Variants in ACTN1 observed in about 807,000 individuals in gnomAD.
The protein encoded by ACTN1 is actinin alpha 1.
Under a neutral mutation model 119.6 loss-of-function variants are expected in ACTN1, and 30 were observed. The ratio of observed to expected loss-of-function variants is 0.25; its 90% confidence interval spans 0.19 to 0.34. The LOEUF is 0.34. Ranked by LOEUF, ACTN1 falls within the 10% of genes least tolerant of loss-of-function variation. ACTN1 has a pLI of 1.00. For missense variants in ACTN1, 764 were observed against 1,223.4 expected (o/e 0.62, Z 5.60); for synonymous variants, 429 against 472.6 (o/e 0.91, Z 1.20).
chr14:68,925,478 C>A lies in ACTN1; in HGVS notation c.220+80G>T. 1.8e-6 allele frequency: 2 copies of A among 1,141,884 alleles called. No individual in the cohort carries two copies. The highest frequency in any genetic ancestry group is 2.5e-5 in the Admixed American group (1 of 40,272). The allele number at this position is 1,141,884 out of a possible 1,614,324, so 70.7% of individuals were successfully genotyped here. A position where few individuals can be genotyped will look rare whatever the true frequency, so the allele number is the denominator to read the frequency against. On this transcript the variant is annotated intron_variant, in intron 2 of 21. Coordinates refer to ENST00000394419, the MANE Select transcript of ACTN1 (RefSeq NM_001130004.2). The surrounding 1 kb of genome is among the most constrained non-coding windows in gnomAD (Gnocchi z 4.3). ...TGTTTCAAGAGACCAAAACCAGCTGCGCTCATAGGCAGAGCAGATGCCAAG... is the reference window on the plus strand; with the variant it reads ...TGTTTCAAGAGACCAAAACCAGCTGAGCTCATAGGCAGAGCAGATGCCAAG...
At chr14:68,973,155 C>T (rs1243888828) in intron 1 of ACTN1, among the ~76,000 whole-genome samples, 1 of 152,102 alleles carries the variant, frequency 6.6e-6, no homozygotes, top group African/African-American at 2.4e-5. Flanking sequence ...CCTGGGCAAC[C>T]CTCTCCATGC....
intron 1 of ACTN1, among the ~76,000 whole-genome samples, chr14:68,931,958 A>G (rs1365898812): frequency 6.6e-6 from 1 of 152,050 alleles, no homozygotes; most frequent in Non-Finnish European, 1.5e-5. Flanking sequence ...CTCTGACTCT[A>G]TAAGAGCCTG....
Position 68,895,684 on chromosome 14 carries a change from G to A in ACTN1, c.763-1937C>T, listed in dbSNP as rs558758298. ...ACTGGCACGAAGCAACTGCGGCTGT[G>A]ATTTTCATGGATAAAGCCACCTTCA... is the stretch of plus-strand genomic sequence containing the variant. On this transcript the variant is annotated intron_variant, in intron 8 of 21. Coordinates refer to ENST00000394419, the MANE Select transcript of ACTN1 (RefSeq NM_001130004.2). 5.9e-5 allele frequency among the ~76,000 whole-genome samples: 9 copies of A among 152,328 alleles called. No homozygotes were observed. The East Asian group carries it at 1.7e-3, about 29-fold the overall frequency.
intron 21 of ACTN1, 93 bp downstream of exon 21, chr14:68,876,989 T>C (rs2030971842): frequency 6.8e-7 from 1 of 1,462,242 alleles, no homozygotes; most frequent in Non-Finnish European, 9.3e-7. Flanking sequence ...GAAGGGGCGG[T>C]TGAGGAGTTC....
At chr14:68,936,987 G>C (rs1566656644) in intron 1 of ACTN1, 4 of 358,428 alleles carry the variant, frequency 1.1e-5, no homozygotes, top group Non-Finnish European at 2.2e-5. Context: ...ATGTACTCCA[G>C]GGTCTTTTGA....
chr14:68,891,181 C>T (rs142356950), intron 10 of ACTN1, among the ~76,000 whole-genome samples: 273 of 109,726 alleles, frequency 2.5e-3, no homozygotes, highest in Non-Finnish European at 3.7e-3. Context: ...GTCATGTGCC[C>T]ATGACACTCC....
rs1260258580 is a variant in ACTN1 at position 68,874,586 on chromosome 14, C to A, written c.*273G>T. The A allele has an allele frequency of 6.3e-6, 2 of 317,394 alleles. No homozygotes were observed. The highest frequency in any genetic ancestry group is 5.7e-6 in the Non-Finnish European group (1 of 175,920). The allele number at this position is 317,394 out of a possible 1,614,324, so 19.7% of individuals were successfully genotyped here. ...ATTTCGGTGCAAATAGTTAATCTTT[C>A]CTCTTTTTTTCCATTTGTCTGGTGG... On this transcript the variant is annotated 3_prime_UTR_variant, in exon 22 of 22. Transcript: ENST00000394419.
chr14:68,885,586 A>G lies in ACTN1; in HGVS notation c.1235-11T>C, dbSNP rs2031931607. 6.2e-7 allele frequency: 1 copy of G among 1,611,346 alleles called. No individual in the cohort carries two copies. Among genetic ancestry groups the G allele is most frequent in the East Asian group, 2.2e-5 (1 of 44,862 alleles). The stretch of plus-strand genomic sequence containing the variant: ...GCATGGCCTCTTTGCCTGGGTTGAG[A>G]GAGGGCCACATGGCTGAGCTGGAGT... On this transcript the variant is annotated splice_polypyrimidine_tract_variant and intron_variant, in intron 11 of 21. Coordinates refer to ENST00000394419, the MANE Select transcript of ACTN1 (RefSeq NM_001130004.2). This position sits in a 1 kb window ranked among gnomAD's most constrained non-coding sequence, Gnocchi z 5.6.
chr14:68,896,935 G>A (rs2032921787), intron 8 of ACTN1, among the ~76,000 whole-genome samples: 1 of 152,164 alleles, frequency 6.6e-6, no homozygotes, highest in Non-Finnish European at 1.5e-5. Context: ...AAGACTACTA[G>A]AAATCTGTGT....
intron 1 of ACTN1, among the ~76,000 whole-genome samples, chr14:68,936,222 T>G (rs1357132112): frequency 6.6e-6 from 1 of 152,160 alleles, no homozygotes; most frequent in Non-Finnish European, 1.5e-5. Flanking sequence ...CCAAAAAATT[T>G]CCCAGGGACA....
Position 68,909,185 on chromosome 14 carries a change from C to T in ACTN1, c.594+133G>A. 1.2e-6 allele frequency: 1 copy of T among 827,478 alleles called. No homozygotes were observed. Among genetic ancestry groups the T allele is most frequent in the Non-Finnish European group, 1.9e-6 (1 of 517,142 alleles). The allele number at this position is 827,478 out of a possible 1,614,324, so 51.3% of individuals were successfully genotyped here. ...TTTCTCTTCACTTTCAGTTGGGGCT[C>T]TGTCTGGCTATTCTAAGAGGCCAAC... is the stretch of plus-strand genomic sequence containing the variant. On this transcript the variant is annotated intron_variant, in intron 6 of 21. Transcript: ENST00000394419. The surrounding 1 kb of genome is among the most constrained non-coding windows in gnomAD (Gnocchi z 4.1).
rs1429939908 is a variant in ACTN1 at position 68,879,361 on chromosome 14, GCC to G, written c.2281-294_2281-293del. Among the ~76,000 whole-genome samples, 1 of 151,950 alleles carries G rather than the reference GCC, an allele frequency of 6.6e-6. No individual in the cohort carries two copies. ...GAGAAGCTCCCTCAGAAGTGACCCA[GCC>G]CCCCCGCTTCCCCAGGGGCTTCCCC... On this transcript the variant is annotated intron_variant, in intron 18 of 21. Transcript: ENST00000394419. The surrounding 1 kb of genome is among the most constrained non-coding windows in gnomAD (Gnocchi z 4.9).
chr14:68,978,475 G>A, intron 1 of ACTN1: 1 of 325,830 alleles, frequency 3.1e-6, no homozygotes, highest in South Asian at 2.3e-5. Context: ...GGTCCCGGGA[G>A]GCCCGCCGCT....
intron 1 of ACTN1, among the ~76,000 whole-genome samples, chr14:68,938,880 C>T (rs769038267): frequency 3.9e-5 from 6 of 152,132 alleles, no homozygotes; most frequent in South Asian, 2.1e-4. Flanking sequence ...AACTCTGAGA[C>T]GGGCCTCTGG....
At chr14:68,924,448 G>C (rs916186427) in intron 2 of ACTN1, among the ~76,000 whole-genome samples, 7 of 152,220 alleles carry the variant, frequency 4.6e-5, no homozygotes, top group Middle Eastern at 3.2e-3. Context: ...GAGGATCGAA[G>C]GTCTGATACC....
chr14:68,977,809 C>CG (rs59745876), intron 1 of ACTN1: 19 of 368,510 alleles, frequency 5.2e-5, no homozygotes, highest in African/African-American at 4.0e-4. Flanking sequence ...GTCCCCCCCC[C>CG]ACCCAAAACC....
chr14:68,874,888 T>A lies in ACTN1; in HGVS notation c.2716A>T (p.Thr906Ser), dbSNP rs1479799663. The change falls in exon 22 of 22, where the codon ACG becomes TCG. Residue 906 changes from threonine to serine, a missense_variant. Physicochemically the swap from Thr to Ser is moderately conservative, Grantham distance 58 (BLOSUM62 1). Around this residue, in one of 4 missense-constraint regions of ACTN1, gnomAD observed 102 missense variants for 78.2 expected, o/e 1.30. Transcript: ENST00000394419. ...AGGTCACTCTCGCCGTACAGCGCCG[T>A]GGAGAAGGACATGTAGTCCAGAGCA... is the stretch of plus-strand genomic sequence containing the variant. ...PGALDYMSFS[T>S]ALYGESDL 1 of 1,602,978 alleles carries A rather than the reference T, an allele frequency of 6.2e-7. No homozygotes were observed.
Position 68,874,807 on chromosome 14 carries a change from A to C in ACTN1, c.*52T>G. On this transcript the variant is annotated 3_prime_UTR_variant, in exon 22 of 22. Coordinates refer to ENST00000394419, the MANE Select transcript of ACTN1 (RefSeq NM_001130004.2). ...CCAGGCAGGAGATGGGCGACGGCGGAGGTGCAAGGCAGGGCACGGCGCACA... is the reference window on the plus strand; with the variant it reads ...CCAGGCAGGAGATGGGCGACGGCGGCGGTGCAAGGCAGGGCACGGCGCACA... 6.9e-7 allele frequency: 1 copy of C among 1,457,936 alleles called. No individual in the cohort carries two copies. Among genetic ancestry groups the C allele is most frequent in the Non-Finnish European group, 9.1e-7 (1 of 1,099,372 alleles). The allele number at this position is 1,457,936 out of a possible 1,614,324, so 90.3% of individuals were successfully genotyped here. A position where few individuals can be genotyped will look rare whatever the true frequency, so the allele number is the denominator to read the frequency against.
chr14:68,895,961 T>A (rs2032847231), intron 8 of ACTN1, among the ~76,000 whole-genome samples: 1 of 152,050 alleles, frequency 6.6e-6, no homozygotes, highest in Admixed American at 6.5e-5. Context: ...CCAACCGCAT[T>A]CCCAAGCCAG....
Sources: gnomAD v4.1 joint callset for allele counts (sites outside exome capture counted in the v4.1 genomes callset) on GRCh38, gnomAD v4.1.1 for gene constraint, gnomAD v4.1.1 regional missense constraint, Gnocchi (gnomAD v3.1) non-coding constraint, MANE v1.5 for transcripts, NCBI Gene and HGNC (gene_info 2026-07-23, HGNC 2026-07-21) for gene names.